ZNF746: variants seen among roughly 807,000 people sequenced by gnomAD.
The protein encoded by ZNF746 is zinc finger protein 746.
A neutral mutation model predicts 41.0 loss-of-function variants in ZNF746; 13 were observed. That is an observed-to-expected ratio of 0.32 (90% CI 0.21 to 0.50). The LOEUF (loss-of-function observed/expected upper bound fraction) is 0.50. Among genes scored for constraint, ZNF746 ranks in the 20% least tolerant of loss-of-function variants. The pLI is 0.98. For missense variants in ZNF746, 811 were observed against 922.9 expected (o/e 0.88, Z 1.57); for synonymous variants, 424 against 396.2 (o/e 1.07, Z -0.83).
At chr7:149,489,954 A>AG (rs1473032414) in intron 4 of ZNF746, 3 of 574 alleles carry the variant, frequency 5.2e-3, no homozygotes, top group African/African-American at 0.015. Context: ...AGATGTCCCC[A>AG]AGGGCTCTGC....
At chr7:149,496,121 C>G (rs1265639356) in intron 1 of ZNF746, among the ~76,000 whole-genome samples, 11 of 152,226 alleles carry the variant, frequency 7.2e-5, no homozygotes, top group Admixed American at 5.9e-4. Context: ...CCACTGAAAT[C>G]CTACCCATCC....
In ZNF746 at chr7:149,475,414, G is replaced by A; in HGVS notation, c.953C>T (p.Thr318Ile). The A allele has an allele frequency of 1.2e-6, 2 of 1,614,206 alleles. No individual in the cohort carries two copies. Among genetic ancestry groups the A allele is most frequent in the Non-Finnish European group, 1.7e-6 (2 of 1,180,022 alleles). Residue 318 changes from threonine to isoleucine, a missense_variant, in exon 7 of 7, where the codon ACT becomes ATT. This residue lies in a region of ZNF746 where 495 missense variants were observed against 481.6 expected (regional missense o/e 1.03). Transcript: ENST00000458143. Reference protein sequence around the residue: ...EEVVATPVHPTDLEAHGTLFG... With the variant: ...EEVVATPVHPIDLEAHGTLFG... ...CAGGGTCCCGTGAGCCTCTAGGTCA[G>A]TAGGATGTACGGGTGTGGCCACCAC...
chr7:149,476,938 T>C lies in ZNF746; in HGVS notation c.867A>G (p.Thr289=). ...ACSDGTLKLN[T]AASTEADVKI... ...CACCTGTACCTTCCGTGGAGGCTGC[T>C]GTGTTGAGCTTCAGGGTCCCGTCCG... Residue 289 remains threonine, a synonymous_variant, in exon 6 of 7, where the codon ACA becomes ACG. Transcript: ENST00000458143. 1 of 1,614,016 alleles carries C rather than the reference T, an allele frequency of 6.2e-7. No individual in the cohort carries two copies. Among genetic ancestry groups the C allele is most frequent in the Non-Finnish European group, 8.5e-7 (1 of 1,179,974 alleles).
chr7:149,495,357 C>T (rs1800961620), intron 1 of ZNF746, among the ~76,000 whole-genome samples: 3 of 152,220 alleles, frequency 2.0e-5, no homozygotes, highest in Admixed American at 1.3e-4. Context: ...GAGGAAAGTA[C>T]ATATATGCCA....
rs1800263034 is a variant in ZNF746 at position 149,475,376 on chromosome 7, G to A, written c.991C>T (p.Gln331Ter). 1 of 1,614,064 alleles carries A rather than the reference G, an allele frequency of 6.2e-7. No homozygotes were observed. The highest frequency in any genetic ancestry group is 1.1e-5 in the South Asian group (1 of 91,086). Residue 331 changes from glutamine to a stop codon, truncating the protein, a stop_gained, in exon 7 of 7, where the codon CAA becomes TAA. Coordinates refer to ENST00000458143, the MANE Select transcript of ZNF746 (RefSeq NM_001394198.1). LOFTEE classifies it low-confidence loss of function (END_TRUNC). ...EAHGTLFGPG[Q>*]ATRFFPSPAQ... ...GGACTAGGGAAGAACCGTGTGGCTT[G>A]GCCTGGTCCAAACAGGGTCCCGTGA...
chr7:149,480,423 TTTTGTTTG>T (rs59225315), intron 4 of ZNF746, among the ~76,000 whole-genome samples: 2 of 151,410 alleles, frequency 1.3e-5, no homozygotes, highest in Middle Eastern at 3.4e-3. Flanking sequence ...ATAACTGTTG[TTTTGTTTG>T]TTTGTTTGTT....
At chr7:149,477,820 T>C in intron 4 of ZNF746, 65 bp from the exon 5 acceptor site, 2 of 1,379,380 alleles carry the variant, frequency 1.4e-6, no homozygotes, top group South Asian at 1.4e-5. Flanking sequence ...CATACACGCA[T>C]CCAGCCGGAG....
At chr7:149,487,902 CATACAG>C (rs1800676338) in intron 4 of ZNF746, 1 of 152,094 alleles carries the variant, frequency 6.6e-6, no homozygotes, top group Non-Finnish European at 1.5e-5. Flanking sequence ...AGGAACTTGA[CATACAG>C]ATCCCAAAAT....
chr7:149,485,075 T>C (rs1260139674), intron 4 of ZNF746, among the ~76,000 whole-genome samples: 1 of 151,320 alleles, frequency 6.6e-6, no homozygotes, highest in Non-Finnish European at 1.5e-5. Flanking sequence ...AAGAGGGGTA[T>C]TCTCTGCCCT....
rs144007946 is a variant in ZNF746 at position 149,476,999 on chromosome 7, G to A, written c.806C>T (p.Thr269Met). Reference sequence around the variant, plus strand: ...AGAGGGATGGTGGGGAGGGAGATCCGTTTGCCAGGAGGTGGGCGGGATGGT... The same window carrying A: ...AGAGGGATGGTGGGGAGGGAGATCCATTTGCCAGGAGGTGGGCGGGATGGT... The part of the protein sequence containing the change: ...STTIPPTSWQ[T>M]DLPPHHPSSA... The change falls in exon 6 of 7, where the codon ACG becomes ATG. Residue 269 changes from threonine to methionine, a missense_variant. Physicochemically the swap from Thr to Met is moderately conservative, Grantham distance 81. This residue lies in a region of ZNF746 where 495 missense variants were observed against 481.6 expected (regional missense o/e 1.03). Coordinates refer to ENST00000458143, the MANE Select transcript of ZNF746 (RefSeq NM_001394198.1). The A allele has an allele frequency of 3.0e-5, 49 of 1,613,788 alleles. No homozygotes were observed. Among genetic ancestry groups the A allele is most frequent in the Non-Finnish European group, 2.9e-5 (34 of 1,179,954 alleles).
intron 4 of ZNF746, among the ~76,000 whole-genome samples, chr7:149,482,131 G>T (rs138731252): frequency 1.7e-4 from 26 of 152,124 alleles, no homozygotes; most frequent in Non-Finnish European, 3.2e-4. Flanking sequence ...TTTGAAATAC[G>T]GTATGTATTT....
intron 4 of ZNF746, among the ~76,000 whole-genome samples, chr7:149,484,940 A>G (rs1454437713): frequency 6.6e-6 from 1 of 152,100 alleles, no homozygotes; most frequent in East Asian, 1.9e-4. Flanking sequence ...ACAAACACAG[A>G]AAGAAAACAA....
chr7:149,480,099 TCAGA>T (rs1006335409), intron 4 of ZNF746, among the ~76,000 whole-genome samples: 6 of 152,196 alleles, frequency 3.9e-5, no homozygotes, highest in Admixed American at 2.6e-4. Context: ...TGCATTGGCA[TCAGA>T]TGACCAGCTG....
At chr7:149,492,305 A>T (rs1800831483) in intron 4 of ZNF746, among the ~76,000 whole-genome samples, 1 of 152,236 alleles carries the variant, frequency 6.6e-6, no homozygotes, top group Admixed American at 6.5e-5. Flanking sequence ...CCACTTAATG[A>T]GTAATAAATA....
chr7:149,480,989 T>G (rs1207129418), intron 4 of ZNF746, among the ~76,000 whole-genome samples: 2 of 152,150 alleles, frequency 1.3e-5, no homozygotes, highest in African/African-American at 4.8e-5. Context: ...GTGAAACATT[T>G]CAGTGATTAA....
intron 4 of ZNF746, among the ~76,000 whole-genome samples, chr7:149,483,225 A>G (rs370575439): frequency 6.6e-6 from 1 of 152,224 alleles, no homozygotes; most frequent in Non-Finnish European, 1.5e-5. Context: ...CTGGAACCCA[A>G]TATTAATGAA....
chr7:149,493,766 C>A (rs956626734), intron 3 of ZNF746, among the ~76,000 whole-genome samples: 2 of 152,202 alleles, frequency 1.3e-5, no homozygotes, highest in African/African-American at 4.8e-5. Context: ...AGGAGAGAAG[C>A]CACCGCCGTT....
rs1302507940 is a variant in ZNF746, at chr7:149,474,776, A to C, written c.1591T>G (p.Cys531Gly). 1 of 1,560,416 alleles carries C rather than the reference A, an allele frequency of 6.4e-7. No homozygotes were observed. Among genetic ancestry groups the C allele is most frequent in the East Asian group, 2.3e-5 (1 of 42,776 alleles). Residue 531 changes from cysteine (C) to glycine (G), a missense_variant, in exon 7 of 7, where the codon TGC becomes GGC. Transcript: ENST00000458143. This position sits in a 1 kb window ranked among gnomAD's most constrained non-coding sequence, Gnocchi z 6.3. ...RDGSALRCGECGRCFTRPAHL... is the reference protein window; with the variant it reads ...RDGSALRCGEGGRCFTRPAHL... ...GCGGGGCGCGTGAAGCAACGGCCGC[A>C]CTCCCCACACCGAAGGGCGCTGCCA...
chr7:149,485,240 A>T (rs1800589212), intron 4 of ZNF746, among the ~76,000 whole-genome samples: 1 of 152,188 alleles, frequency 6.6e-6, no homozygotes, highest in South Asian at 2.1e-4. Flanking sequence ...CTATAGACAA[A>T]CCAAATGGAG....
Sources: gnomAD v4.1 joint callset for allele counts (sites outside exome capture counted in the v4.1 genomes callset) on GRCh38, gnomAD v4.1.1 for gene constraint, gnomAD v4.1.1 regional missense constraint, Gnocchi (gnomAD v3.1) non-coding constraint, MANE v1.5 for transcripts, NCBI Gene and HGNC (gene_info 2026-07-23, HGNC 2026-07-21) for gene names.